The following WNK2 variants were observed in gnomAD, a reference collection of about 807,000 sequenced individuals.
The protein encoded by WNK2 is serine/threonine-protein kinase WNK2.
A neutral mutation model predicts 192.1 loss-of-function variants in WNK2; 67 were observed. That is an observed-to-expected ratio of 0.35 (90% CI 0.29 to 0.43). WNK2 has a LOEUF of 0.43. WNK2 is among the 20% of genes least tolerant of loss of function. The probability of loss-of-function intolerance (pLI) is 1.00; values close to 1 mark genes in which losing one functional copy is unlikely to be tolerated. For synonymous variants in WNK2, 1,439 were observed against 1,393.9 expected (o/e 1.03, Z -0.72); for missense variants, 2,698 against 3,089.7 (o/e 0.87, Z 3.01).
intron 28 of WNK2, among the ~76,000 whole-genome samples, chr9:93,309,518 A>G (rs563520124): frequency 6.6e-6 from 1 of 152,332 alleles, no homozygotes; most frequent in African/African-American, 2.4e-5. Flanking sequence ...AAAAGTATCC[A>G]TAATAGCTAT....
Position 93,259,140 on chromosome 9 carries a change from C to G in WNK2, c.2592C>G (p.Pro864=), listed in dbSNP as rs779592353. 25 of 1,611,446 alleles carry G rather than the reference C, an allele frequency of 1.6e-5. No individual in the cohort carries two copies. In the South Asian group the frequency reaches 1.6e-4, roughly 11 times the overall value. The change falls in exon 12 of 30, where the codon CCC becomes CCG. Residue 864 remains proline (P), a synonymous_variant. Coordinates refer to ENST00000427277, the MANE Select transcript of WNK2 (RefSeq NM_006648.4). The surrounding 1 kb of genome is among the most constrained non-coding windows in gnomAD (Gnocchi z 4.8). The stretch of plus-strand genomic sequence containing the variant: ...TGCAGGCTGTGAAGCTGCCCCACCC[C>G]CCTGGGGCGCCCCTGGCCATGCCCT... The part of the protein sequence containing the change: ...LPLQAVKLPH[P]PGAPLAMPCR...
chr9:93,318,524 G>A, intron 29 of WNK2: 1 of 1,614,132 alleles, frequency 6.2e-7, no homozygotes, highest in South Asian at 1.1e-5. Context: ...TAGGTGAGCA[G>A]ACATGCCCCC....
At chr9:93,200,378 T>C (rs115719212) in intron 2 of WNK2, among the ~76,000 whole-genome samples, 1,748 of 152,278 alleles carry the variant, frequency 0.011, 24 homozygotes, top group African/African-American at 0.035. Context: ...GCTGTCTGTG[T>C]CTGCCCAGAG....
chr9:93,211,456 CCACT>C (rs1268187955), intron 2 of WNK2, among the ~76,000 whole-genome samples: 1 of 144,492 alleles, frequency 6.9e-6, no homozygotes, highest in Non-Finnish European at 1.5e-5. Flanking sequence ...ACTCACCCAC[CCACT>C]CATTCACTCC....
intron 2 of WNK2, among the ~76,000 whole-genome samples, chr9:93,202,623 G>A (rs1329318424): frequency 6.6e-6 from 1 of 152,058 alleles, no homozygotes; most frequent in African/African-American, 2.4e-5. Context: ...TTTCTCTTTG[G>A]GGGAGGGAAA....
rs140961645 is a variant in WNK2, at chr9:93,247,116, C to A, written c.1543-427C>A. Among the ~76,000 whole-genome samples the A allele has an allele frequency of 6.6e-6, 1 of 152,336 alleles. No individual in the cohort carries two copies. The highest frequency in any genetic ancestry group is 2.1e-4 in the South Asian group (1 of 4,830). ...TCCATCTGCAACTCGGGTGTGGCCCCGTTCCCCATCTTTGGGCAGCCCCAG... is the reference window on the plus strand; with the variant it reads ...TCCATCTGCAACTCGGGTGTGGCCCAGTTCCCCATCTTTGGGCAGCCCCAG... On this transcript the variant is annotated intron_variant, in intron 7 of 29. Coordinates refer to ENST00000427277, the MANE Select transcript of WNK2 (RefSeq NM_006648.4). This position sits in a 1 kb window ranked among gnomAD's most constrained non-coding sequence, Gnocchi z 5.2.
intron 29 of WNK2, 71 bp from the exon 30 acceptor site, chr9:93,320,296 A>G: frequency 7.3e-7 from 1 of 1,363,506 alleles, no homozygotes; most frequent in Non-Finnish European, 9.8e-7. Context: ...GGAGGGTGTC[A>G]GGGCCTGGCC....
chr9:93,205,213 T>G (rs894588873), intron 2 of WNK2, among the ~76,000 whole-genome samples: 2 of 152,196 alleles, frequency 1.3e-5, no homozygotes, highest in Non-Finnish European at 2.9e-5. Flanking sequence ...TGAGGAGCAC[T>G]GGGCTGGGAC....
chr9:93,267,285 G>T, intron 16 of WNK2: 1 of 158,086 alleles, frequency 6.3e-6, no homozygotes, highest in Non-Finnish European at 1.4e-5. Context: ...CCGTCCCCCT[G>T]TTGCTTTCTG....
chr9:93,185,467 G>A lies in WNK2; in HGVS notation c.538G>A (p.Glu180Lys). 6.2e-7 allele frequency: 1 copy of A among 1,612,732 alleles called. No individual in the cohort carries two copies. Among genetic ancestry groups the A allele is most frequent in the East Asian group, 2.2e-5 (1 of 44,858 alleles). Residue 180 changes from glutamate (E) to lysine (K), a missense_variant, in exon 2 of 30, where the codon GAG becomes AAG. Physicochemically the swap from Glu to Lys is moderately conservative, Grantham distance 56. Coordinates refer to ENST00000427277, the MANE Select transcript of WNK2 (RefSeq NM_006648.4). ...CGAGCCCGAAGAGGAGGAGGACGAC[G>A]AGGACGACCTCAAGGCCGTGGCCAC... ...RDEPEEEEDD[E>K]DDLKAVATSL...
chr9:93,257,167 G>T lies in WNK2; in HGVS notation c.2382+28G>T. 4.4e-6 allele frequency: 7 copies of T among 1,593,418 alleles called. No individual in the cohort carries two copies. The highest frequency in any genetic ancestry group is 6.0e-6 in the Non-Finnish European group (7 of 1,175,358). On this transcript the variant is annotated intron_variant, in intron 11 of 29. Transcript: ENST00000427277. This position sits in a 1 kb window ranked among gnomAD's most constrained non-coding sequence, Gnocchi z 4.7. ...AATTCTAGGTTGATGGCTGCCGTCA[G>T]TGGTGGCGCACGCTTTGCCAGGCCC... is the stretch of plus-strand genomic sequence containing the variant.
chr9:93,256,504 C>T, intron 10 of WNK2, 50 bp downstream of exon 10: 1 of 1,460,404 alleles, frequency 6.8e-7, no homozygotes, highest in Non-Finnish European at 9.0e-7. Flanking sequence ...AGGCAGTCAC[C>T]TGTGCTGGCC....
At position 93,199,943 on chromosome 9, in the gene WNK2, TG is replaced by T. The variant is rs565838890; in HGVS notation, c.681+14340del. 4.5e-3 allele frequency among the ~76,000 whole-genome samples: 647 copies of T among 144,668 alleles called. 4 individuals are homozygous for T. Among genetic ancestry groups the T allele is most frequent in the Non-Finnish European group, 7.5e-3 (496 of 65,718 alleles). 94.9% of individuals were successfully genotyped at this position (144,668 alleles called of 152,430 possible). ...ACAAAGCTGTGGAGAAGAGCTAGGATGGGGGGGCAGCGGTTGGGCAGGTCCT... is the reference window on the plus strand; with the variant it reads ...ACAAAGCTGTGGAGAAGAGCTAGGATGGGGGGCAGCGGTTGGGCAGGTCCT... On this transcript the variant is annotated intron_variant, in intron 2 of 29. Coordinates refer to ENST00000427277, the MANE Select transcript of WNK2 (RefSeq NM_006648.4).
intron 3 of WNK2, 28 bp from the exon 4 acceptor site, chr9:93,230,860 G>T: frequency 6.2e-7 from 1 of 1,601,798 alleles, no homozygotes. Context: ...CGAGCTGCTT[G>T]GTGAGCTGTG....
At chr9:93,213,172 A>G (rs1435812674) in intron 2 of WNK2, among the ~76,000 whole-genome samples, 1 of 152,156 alleles carries the variant, frequency 6.6e-6, no homozygotes, top group Admixed American at 6.5e-5. Flanking sequence ...AGCAACAAGG[A>G]TGGTTGTGCT....
intron 19 of WNK2, among the ~76,000 whole-genome samples, chr9:93,286,722 G>T (rs1326795790): frequency 6.6e-6 from 1 of 152,220 alleles, no homozygotes; most frequent in African/African-American, 2.4e-5. Flanking sequence ...TGTGTTCATT[G>T]CAGCGTTATT....
intron 4 of WNK2, 71 bp from the exon 5 acceptor site, chr9:93,234,737 C>G (rs993221842): frequency 6.5e-7 from 1 of 1,539,854 alleles, no homozygotes; most frequent in Non-Finnish European, 8.8e-7. Flanking sequence ...CCAAAGCTCC[C>G]GGGACACTGG....
chr9:93,270,179 G>C (rs1227679776), intron 19 of WNK2, among the ~76,000 whole-genome samples: 2 of 152,216 alleles, frequency 1.3e-5, no homozygotes, highest in Non-Finnish European at 1.5e-5. Flanking sequence ...CTAGCTGGAA[G>C]GAGATAGGCC....
intron 26 of WNK2, 64 bp from the exon 27 acceptor site, chr9:93,306,713 G>C (rs1043017698): frequency 6.3e-7 from 1 of 1,595,466 alleles, no homozygotes; most frequent in Non-Finnish European, 8.6e-7. Context: ...GTGTGGTAGC[G>C]TGTCCCAGTG....
Sources: allele counts gnomAD v4.1 joint callset (sites outside exome capture counted in the v4.1 genomes callset), GRCh38; gene constraint gnomAD v4.1.1; non-coding constraint Gnocchi (gnomAD v3.1); transcripts MANE v1.5; gene names NCBI Gene and HGNC (gene_info 2026-07-23, HGNC 2026-07-21).